ARHGEF38: variants seen among roughly 807,000 people sequenced by gnomAD.
ARHGEF38 encodes the protein Rho guanine nucleotide exchange factor (GEF) 38.
In ARHGEF38, 79 loss-of-function variants were observed where a neutral mutation model predicts 79.9. That is an observed-to-expected ratio of 0.99 (90% CI 0.82 to 1.19). ARHGEF38 has a LOEUF of 1.19. Ranked by LOEUF, ARHGEF38 falls within the 50% of genes most tolerant of loss-of-function variation. ARHGEF38 has a pLI of 0.00. For synonymous variants in ARHGEF38, 366 were observed against 328.3 expected (o/e 1.11, Z -1.24); for missense variants, 962 against 907.2 (o/e 1.06, Z -0.78).
At position 105,565,146 on chromosome 4, in the gene ARHGEF38, G is replaced by A. The variant is rs185537837; in HGVS notation, c.196+12185G>A. On this transcript the variant is annotated intron_variant, in intron 1 of 13. Transcript: ENST00000420470. ...ACTAATCTACTTTCTATGCCAATTA[G>A]CAGTCAGAGGAAATAAATCACATGC... 2.1e-3 allele frequency among the ~76,000 whole-genome samples: 323 copies of A among 152,178 alleles called. 2 individuals are homozygous for A. Among genetic ancestry groups the A allele is most frequent in the South Asian group, 0.02 (97 of 4,822 alleles).
In ARHGEF38 at chr4:105,680,331, T is replaced by G; in HGVS notation, c.*2394T>G. 1 of 282,056 alleles carries G rather than the reference T, an allele frequency of 3.5e-6. No individual in the cohort carries two copies. Among genetic ancestry groups the G allele is most frequent in the Admixed American group, 4.4e-5 (1 of 22,502 alleles). The allele number at this position is 282,056 out of a possible 1,614,324, so 17.5% of individuals were successfully genotyped here. A position where few individuals can be genotyped will look rare whatever the true frequency, so the allele number is the denominator to read the frequency against. On this transcript the variant is annotated 3_prime_UTR_variant, in exon 14 of 14. Coordinates refer to ENST00000420470, the MANE Select transcript of ARHGEF38 (RefSeq NM_001242729.2). ...AAAATGTACAATCCTAAAAGCTTAC[T>G]TGTTAGCACACTTGCTTATCTGTCC...
rs1731230046 is a variant in ARHGEF38 at position 105,679,367 on chromosome 4, GCA to G, written c.*1434_*1435del. 1 of 1,189,272 alleles carries G rather than the reference GCA, an allele frequency of 8.4e-7. No homozygotes were observed. Among genetic ancestry groups the G allele is most frequent in the African/African-American group, 1.5e-5 (1 of 66,356 alleles). The allele number at this position is 1,189,272 out of a possible 1,614,324, so 73.7% of individuals were successfully genotyped here. A position where few individuals can be genotyped will look rare whatever the true frequency, so the allele number is the denominator to read the frequency against. On this transcript the variant is annotated 3_prime_UTR_variant, in exon 14 of 14. Coordinates refer to ENST00000420470, the MANE Select transcript of ARHGEF38 (RefSeq NM_001242729.2). ...AAACACCCATATTTCCTTTCAGGAG[GCA>G]CACTCTGGTAATCTGAGACACTGCA... is the stretch of plus-strand genomic sequence containing the variant.
chr4:105,659,384 C>G lies in ARHGEF38; in HGVS notation c.1545+19C>G, dbSNP rs1290611945. ...TGTGCCGGTAAGCACAGCACCAACA[C>G]CTAGCTAGCTACCTTGGCCTACTGG... On this transcript the variant is annotated intron_variant, in intron 10 of 13. Transcript: ENST00000420470. 6.6e-7 allele frequency: 1 copy of G among 1,522,420 alleles called. No individual in the cohort carries two copies. The highest frequency in any genetic ancestry group is 2.0e-5 in the Admixed American group (1 of 50,272). The allele number at this position is 1,522,420 out of a possible 1,614,324, so 94.3% of individuals were successfully genotyped here.
intron 13 of ARHGEF38, 32 bp from the exon 14 acceptor site, chr4:105,677,720 A>G: frequency 7.2e-7 from 1 of 1,382,076 alleles, no homozygotes. Flanking sequence ...TCAGGTTCCA[A>G]TTCCAATAAT....
intron 2 of ARHGEF38, among the ~76,000 whole-genome samples, chr4:105,611,100 G>A (rs1728275465): frequency 6.6e-6 from 1 of 152,070 alleles, no homozygotes; most frequent in African/African-American, 2.4e-5. Flanking sequence ...CTTCAAGATG[G>A]TTCATCCTTT....
At chr4:105,633,673 C>T (rs1224913650) in intron 4 of ARHGEF38, among the ~76,000 whole-genome samples, 1 of 151,934 alleles carries the variant, frequency 6.6e-6, no homozygotes, top group Non-Finnish European at 1.5e-5. Context: ...TGCTTTTTAA[C>T]CAAAATTACA....
intron 13 of ARHGEF38, 26 bp from the exon 14 acceptor site, chr4:105,677,726 A>G (rs1408865291): frequency 7.2e-7 from 1 of 1,393,326 alleles, no homozygotes; most frequent in Non-Finnish European, 9.4e-7. Flanking sequence ...TCCAATTCCA[A>G]TAATGTCTTT....
rs1204872644 is a variant in ARHGEF38, at chr4:105,591,297, C to T, written c.384+1862C>T. 3.9e-5 allele frequency among the ~76,000 whole-genome samples: 6 copies of T among 152,282 alleles called. No homozygotes were observed. In the East Asian group the frequency reaches 1.2e-3, roughly 29 times the overall value. On this transcript the variant is annotated intron_variant, in intron 2 of 13. Coordinates refer to ENST00000420470, the MANE Select transcript of ARHGEF38 (RefSeq NM_001242729.2). ...AGGCTGGAGTGCAGTGGCGCTGTCT[C>T]TGCTCACTGCAAGCTCCGCCTCCCG...
chr4:105,667,517 G>A lies in ARHGEF38; in HGVS notation c.1962G>A (p.Glu654=). 2.0e-6 allele frequency: 3 copies of A among 1,536,524 alleles called. No individual in the cohort carries two copies. The highest frequency in any genetic ancestry group is 1.7e-6 in the Non-Finnish European group (2 of 1,147,006). Residue 654 remains glutamate (E), a synonymous_variant, in exon 13 of 14, where the codon GAG becomes GAA. Transcript: ENST00000420470. ...NPAKMQKVDA[E]NRFCDDDFEN... ...CAAAAATGCAGAAAGTGGATGCTGA[G>A]AACAGGTTCTGTGACGATGATTTTG...
intron 1 of ARHGEF38, among the ~76,000 whole-genome samples, chr4:105,579,834 G>A (rs1726694415): frequency 6.6e-6 from 1 of 152,132 alleles, no homozygotes; most frequent in Non-Finnish European, 1.5e-5. Flanking sequence ...ACATGTGTTT[G>A]AATTTGGCTG....
chr4:105,658,961 T>C, intron 9 of ARHGEF38, 93 bp from the exon 10 acceptor site: 2 of 1,114,032 alleles, frequency 1.8e-6, no homozygotes, highest in South Asian at 1.7e-5. Flanking sequence ...TTTGTGCTTC[T>C]CGTGGGGGAA....
At chr4:105,666,026 C>A in intron 10 of ARHGEF38, 151 bp from the exon 11 acceptor site, 2 of 524,022 alleles carry the variant, frequency 3.8e-6, no homozygotes, top group Non-Finnish European at 2.9e-6. Context: ...TAAATTAGAC[C>A]ATATTTATCT....
intron 3 of ARHGEF38, among the ~76,000 whole-genome samples, chr4:105,618,808 A>G (rs1728620378): frequency 6.6e-6 from 1 of 152,198 alleles, no homozygotes; most frequent in Non-Finnish European, 1.5e-5. Context: ...GAAAGGTGGT[A>G]ACTTTACATT....
At chr4:105,620,615 T>A (rs555328908) in intron 3 of ARHGEF38, among the ~76,000 whole-genome samples, 1 of 152,326 alleles carries the variant, frequency 6.6e-6, no homozygotes, top group South Asian at 2.1e-4. Context: ...ACAAGTCAGA[T>A]TTGCTGGATG....
chr4:105,582,164 CAAA>C (rs33936132), intron 1 of ARHGEF38, among the ~76,000 whole-genome samples: 1 of 118,284 alleles, frequency 8.5e-6, no homozygotes, highest in African/African-American at 3.2e-5. Context: ...GACTCCGTCT[CAAA>C]AAAAAAAAAA....
chr4:105,639,534 A>G (rs1212542844), intron 5 of ARHGEF38, among the ~76,000 whole-genome samples: 1 of 152,030 alleles, frequency 6.6e-6, no homozygotes, highest in Non-Finnish European at 1.5e-5. Flanking sequence ...TATTTGACCT[A>G]TCTCGAAATT....
chr4:105,633,774 C>G (rs1217190508), intron 4 of ARHGEF38, among the ~76,000 whole-genome samples: 1 of 151,946 alleles, frequency 6.6e-6, no homozygotes, highest in Non-Finnish European at 1.5e-5. Context: ...TAGTTCTTGC[C>G]TCTCAGGAAC....
intron 7 of ARHGEF38, among the ~76,000 whole-genome samples, chr4:105,652,760 T>C (rs1326639963): frequency 2.0e-5 from 3 of 152,154 alleles, no homozygotes; most frequent in Admixed American, 6.5e-5. Flanking sequence ...TTATACACAC[T>C]AGACTGAGTT....
At chr4:105,645,136 G>GTGTT in intron 5 of ARHGEF38, 52 bp from the exon 6 acceptor site, 1 of 1,185,602 alleles carries the variant, frequency 8.4e-7, no homozygotes, top group Non-Finnish European at 1.1e-6. Flanking sequence ...AAATGAAAAT[G>GTGTT]TGTTAATAAA....
Sources: allele counts gnomAD v4.1 joint callset (sites outside exome capture counted in the v4.1 genomes callset), GRCh38; gene constraint gnomAD v4.1.1; transcripts MANE v1.5; gene names NCBI Gene and HGNC (gene_info 2026-07-23, HGNC 2026-07-21).